The following RAPGEF1 variants were observed in gnomAD, a reference collection of about 807,000 sequenced individuals.
The protein encoded by RAPGEF1 is Rap guanine nucleotide exchange factor 1.
RAPGEF1 carries 33 observed loss-of-function variants against 143.3 expected under a neutral mutation model. That is an observed-to-expected ratio of 0.23 (90% CI 0.17 to 0.31). RAPGEF1 has a LOEUF of 0.31. Among genes scored for constraint, RAPGEF1 ranks in the 10% least tolerant of loss-of-function variants. The probability of loss-of-function intolerance (pLI) is 1.00; values close to 1 mark genes in which losing one functional copy is unlikely to be tolerated. For missense variants in RAPGEF1, 1,199 were observed against 1,645.4 expected (o/e 0.73, Z 4.69); for synonymous variants, 629 against 676.5 (o/e 0.93, Z 1.09).
chr9:131,673,979 T>C (rs763066900), intron 1 of RAPGEF1, among the ~76,000 whole-genome samples: 6 of 152,202 alleles, frequency 3.9e-5, no homozygotes, highest in Admixed American at 1.3e-4. Flanking sequence ...TGCAAATGCA[T>C]GACAATCCGT....
At chr9:131,739,460 T>A (rs2131377487) in intron 1 of RAPGEF1, among the ~76,000 whole-genome samples, 1 of 151,982 alleles carries the variant, frequency 6.6e-6, no homozygotes, top group Non-Finnish European at 1.5e-5. Context: ...GTTCTTCCCC[T>A]GCTTGGGGCT....
At position 131,586,649 on chromosome 9, in the gene RAPGEF1, A is replaced by AAC. The variant is rs141658733; in HGVS notation, c.3233+1085_3233+1086dup. 2.5e-3 allele frequency among the ~76,000 whole-genome samples: 175 copies of AAC among 69,680 alleles called. 25 individuals are homozygous for AAC. The highest frequency in any genetic ancestry group is 0.01 in the African/African-American group (126 of 12,180). The allele number at this position is 69,680 out of a possible 152,430, so 45.7% of individuals were successfully genotyped here. ...ACACACCTGCAGAGACTCCGTCTCA[A>AAC]ACACACACACACACACACACCCCTG... On this transcript the variant is annotated intron_variant, in intron 22 of 26. Coordinates refer to ENST00000683357, the MANE Select transcript of RAPGEF1 (RefSeq NM_001377935.1).
At chr9:131,684,639 A>G (rs1267912787) in intron 1 of RAPGEF1, among the ~76,000 whole-genome samples, 1 of 152,258 alleles carries the variant, frequency 6.6e-6, no homozygotes, top group East Asian at 1.9e-4. Context: ...GCTGAACAGC[A>G]TCTACAGAAC....
intron 1 of RAPGEF1, among the ~76,000 whole-genome samples, chr9:131,723,489 G>A (rs1564204273): frequency 6.6e-6 from 1 of 152,124 alleles, no homozygotes; most frequent in Non-Finnish European, 1.5e-5. Flanking sequence ...CTATAATTTT[G>A]TCTAGCGTAG....
At chr9:131,591,717 G>GA (rs1377858970) in intron 18 of RAPGEF1, among the ~76,000 whole-genome samples, 1 of 152,184 alleles carries the variant, frequency 6.6e-6, no homozygotes, top group Non-Finnish European at 1.5e-5. Flanking sequence ...GAAGCTGCCG[G>GA]AGCCGACCAT....
At position 131,650,335 on chromosome 9, in the gene RAPGEF1, A is replaced by AT. The variant is rs2133435264; in HGVS notation, c.202-94dup. 2 of 956,342 alleles carry AT rather than the reference A, an allele frequency of 2.1e-6. No homozygotes were observed. Among genetic ancestry groups the AT allele is most frequent in the South Asian group, 3.1e-5 (2 of 64,770 alleles). 59.2% of individuals were successfully genotyped at this position (956,342 alleles called of 1,614,324 possible). On this transcript the variant is annotated intron_variant, in intron 2 of 26. Coordinates refer to ENST00000683357, the MANE Select transcript of RAPGEF1 (RefSeq NM_001377935.1). This position sits in a 1 kb window ranked among gnomAD's most constrained non-coding sequence, Gnocchi z 4.7. Reference sequence around the variant, plus strand: ...GATGAAAGTCAATAGCTGTTTCAACATATCTGGCTTGACTGGCCCTGCTGA... The same window carrying AT: ...GATGAAAGTCAATAGCTGTTTCAACATTATCTGGCTTGACTGGCCCTGCTGA...
chr9:131,686,662 C>A (rs1395878368), intron 1 of RAPGEF1, among the ~76,000 whole-genome samples: 5 of 152,204 alleles, frequency 3.3e-5, no homozygotes, highest in Admixed American at 2.0e-4. Flanking sequence ...ATAGCATTCA[C>A]CTCTCTGTGT....
intron 1 of RAPGEF1, among the ~76,000 whole-genome samples, chr9:131,688,466 T>C (rs975935686): frequency 1.6e-4 from 25 of 152,196 alleles, no homozygotes; most frequent in Non-Finnish European, 7.3e-5. Flanking sequence ...CACTTTATAC[T>C]GCTAAATAAA....
chr9:131,667,037 C>T lies in RAPGEF1; in HGVS notation c.62-16088G>A, dbSNP rs1263092056. Among the ~76,000 whole-genome samples, 2 of 151,898 alleles carry T rather than the reference C, an allele frequency of 1.3e-5. No individual in the cohort carries two copies. The highest frequency in any genetic ancestry group is 1.9e-4 in the East Asian group (1 of 5,148). On this transcript the variant is annotated intron_variant, in intron 1 of 26. Coordinates refer to ENST00000683357, the MANE Select transcript of RAPGEF1 (RefSeq NM_001377935.1). The surrounding 1 kb of genome is among the most constrained non-coding windows in gnomAD (Gnocchi z 4.6). ...ACAGAGTCTCACTCTGTCACCCAGG[C>T]GGAGTGCAGTGGCACGAACTCGGCT...
At position 131,579,519 on chromosome 9, in the gene RAPGEF1, G is replaced by T. The variant is rs781276426; in HGVS notation, c.3770C>A (p.Thr1257Lys). ...IKPRNITRRK[T>K]DREEKT is the part of the protein sequence containing the mutation. ...CTCCTAGGTCTTCTCTTCCCGGTCT[G>T]TTTTTCTCCTTGTTATGTTCCTGGG... Residue 1257 changes from threonine (T) to lysine (K), a missense_variant, in exon 27 of 27, where the codon ACA becomes AAA. Thr to Lys is a moderately conservative substitution (Grantham distance 78). Coordinates refer to ENST00000683357, the MANE Select transcript of RAPGEF1 (RefSeq NM_001377935.1). 3.1e-6 allele frequency: 5 copies of T among 1,614,004 alleles called. No homozygotes were observed. The highest frequency in any genetic ancestry group is 4.2e-6 in the Non-Finnish European group (5 of 1,179,874).
At chr9:131,700,350 C>A (rs564353854) in intron 1 of RAPGEF1, among the ~76,000 whole-genome samples, 1 of 152,316 alleles carries the variant, frequency 6.6e-6, no homozygotes, top group Non-Finnish European at 1.5e-5. Flanking sequence ...GATCACTCTC[C>A]CTTTCCATCA....
Position 131,656,290 on chromosome 9 carries a change from G to A in RAPGEF1, c.62-5341C>T, listed in dbSNP as rs546772676. 2.0e-5 allele frequency among the ~76,000 whole-genome samples: 3 copies of A among 152,294 alleles called. No individual in the cohort carries two copies. In the South Asian group the frequency reaches 6.2e-4, roughly 32 times the overall value. Reference sequence around the variant, plus strand: ...GGCACTGAACCAGAAGTCTCAATCTGGCTTTTAGCCTATTAGTCTATTTCC... The same window carrying A: ...GGCACTGAACCAGAAGTCTCAATCTAGCTTTTAGCCTATTAGTCTATTTCC... On this transcript the variant is annotated intron_variant, in intron 1 of 26. Transcript: ENST00000683357.
intron 1 of RAPGEF1, among the ~76,000 whole-genome samples, chr9:131,731,714 T>C (rs1313897735): frequency 2.0e-5 from 3 of 152,216 alleles, no homozygotes; most frequent in Non-Finnish European, 2.9e-5. Context: ...CCACACAGCA[T>C]CCTGTGCTCA....
intron 1 of RAPGEF1, among the ~76,000 whole-genome samples, chr9:131,719,196 T>C (rs1446806154): frequency 1.3e-5 from 2 of 152,186 alleles, no homozygotes; most frequent in African/African-American, 4.8e-5. Context: ...ATGACTAATA[T>C]GTCATCCAAA....
intron 22 of RAPGEF1, among the ~76,000 whole-genome samples, chr9:131,587,497 G>A (rs73559611): frequency 0.021 from 3,217 of 152,216 alleles, 114 homozygotes; most frequent in African/African-American, 0.071. Context: ...ATCGCTCCTC[G>A]ACCCTGGCAC....
chr9:131,661,493 T>C (rs1974090686), intron 1 of RAPGEF1, among the ~76,000 whole-genome samples: 1 of 152,202 alleles, frequency 6.6e-6, no homozygotes, highest in African/African-American at 2.4e-5. Context: ...ATGGCCTGTT[T>C]CTTGATCTGG....
At chr9:131,688,467 G>A (rs921874531) in intron 1 of RAPGEF1, among the ~76,000 whole-genome samples, 1 of 152,060 alleles carries the variant, frequency 6.6e-6, no homozygotes, top group Non-Finnish European at 1.5e-5. Flanking sequence ...ACTTTATACT[G>A]CTAAATAAAA....
At chr9:131,587,239 CA>C (rs1487212003) in intron 22 of RAPGEF1, among the ~76,000 whole-genome samples, 2 of 142,226 alleles carry the variant, frequency 1.4e-5, no homozygotes, top group African/African-American at 5.4e-5. Flanking sequence ...CACACACACA[CA>C]CACCTGCAGA....
rs201930990 is a variant in RAPGEF1 at position 131,584,446 on chromosome 9, G to A, written c.3313-34C>T. 1.2e-3 allele frequency: 1,859 copies of A among 1,613,218 alleles called. 19 individuals carry two copies. The highest frequency in any genetic ancestry group is 2.0e-4 in the Non-Finnish European group (230 of 1,179,172). On this transcript the variant is annotated intron_variant, in intron 23 of 26. Transcript: ENST00000683357. The surrounding 1 kb of genome is among the most constrained non-coding windows in gnomAD (Gnocchi z 6.8). ...AGAGGGGCGGTGCCGTGAGGCAGGA[G>A]GGCAGGCGGGTCCCGGGCTCCCAGA...
Sources: gnomAD v4.1 joint callset for allele counts (sites outside exome capture counted in the v4.1 genomes callset) on GRCh38, gnomAD v4.1.1 for gene constraint, Gnocchi (gnomAD v3.1) non-coding constraint, MANE v1.5 for transcripts, NCBI Gene and HGNC (gene_info 2026-07-23, HGNC 2026-07-21) for gene names.